Variants in TDG observed in about 807,000 individuals in gnomAD.
TDG encodes the protein thymine DNA glycosylase, also known as G/T mismatch-specific thymine DNA glycosylase.
Under a neutral mutation model 46.1 loss-of-function variants are expected in TDG, and 23 were observed. That is an observed-to-expected ratio of 0.50 (90% CI 0.36 to 0.71). The LOEUF is 0.71. Ranked by LOEUF, TDG falls within the 30% of genes least tolerant of loss-of-function variation. The pLI, the probability that TDG is intolerant of heterozygous loss-of-function variation, is 0.00. For synonymous variants in TDG, 115 were observed against 161.3 expected (o/e 0.71, Z 2.18); for missense variants, 304 against 486.7 (o/e 0.62, Z 3.53).
intron 1 of TDG, among the ~76,000 whole-genome samples, chr12:103,976,002 G>A (rs1871519863): frequency 6.6e-6 from 1 of 151,770 alleles, no homozygotes; most frequent in African/African-American, 2.4e-5. Flanking sequence ...CACTTGCATT[G>A]GGGATTTAGT....
At position 103,976,899 on chromosome 12, in the gene TDG, T is replaced by C; in HGVS notation, c.24-19T>C. 1 of 1,611,674 alleles carries C rather than the reference T, an allele frequency of 6.2e-7. No homozygotes were observed. ...TGGGTAATTTTATCATTACATCTCATGCTTCATTATTCTTTCAGCTATTCC... is the reference window on the plus strand; with the variant it reads ...TGGGTAATTTTATCATTACATCTCACGCTTCATTATTCTTTCAGCTATTCC... On this transcript the variant is annotated intron_variant, in intron 1 of 9. Coordinates refer to ENST00000392872, the MANE Select transcript of TDG (RefSeq NM_003211.6).
intron 3 of TDG, 45 bp from the exon 4 acceptor site, chr12:103,980,848 G>A (rs1250479725): frequency 6.3e-7 from 1 of 1,582,754 alleles, no homozygotes; most frequent in Non-Finnish European, 8.6e-7. Flanking sequence ...CTAAGGCTTA[G>A]GTCCTGCTTT....
intron 9 of TDG, among the ~76,000 whole-genome samples, chr12:103,986,074 G>C (rs553330683): frequency 2.0e-5 from 3 of 151,964 alleles, no homozygotes; most frequent in Admixed American, 6.6e-5. Flanking sequence ...CATCCGCCAC[G>C]ATGCCTGGCT....
At position 103,968,542 on chromosome 12, in the gene TDG, A is replaced by G. The variant is rs4135049; in HGVS notation, c.23+2482A>G. Among the ~76,000 whole-genome samples the G allele has an allele frequency of 7.0e-3, 1,073 of 152,292 alleles. 21 individuals carry two copies. Among genetic ancestry groups the G allele is most frequent in the African/African-American group, 0.025 (1,036 of 41,548 alleles). On this transcript the variant is annotated intron_variant, in intron 1 of 9. Transcript: ENST00000392872. The stretch of plus-strand genomic sequence containing the variant: ...TTACATCTCCTATGTTAGCAAAATG[A>G]TTGTCTGACTGGAAATGGCAGAATG...
intron 1 of TDG, among the ~76,000 whole-genome samples, chr12:103,969,908 A>C (rs1234894406): frequency 2.0e-5 from 3 of 152,316 alleles, no homozygotes; most frequent in East Asian, 3.9e-4. Flanking sequence ...ATCATACTAC[A>C]TGAGGAATTA....
chr12:103,984,175 T>G (rs1036939253), intron 7 of TDG, among the ~76,000 whole-genome samples: 2 of 152,258 alleles, frequency 1.3e-5, no homozygotes, highest in Non-Finnish European at 2.9e-5. Flanking sequence ...ATGAGTTTTA[T>G]TATAGCATTG....
chr12:103,982,863 A>G lies in TDG; in HGVS notation c.543A>G (p.Leu181=). The G allele has an allele frequency of 6.2e-7, 1 of 1,614,110 alleles. No homozygotes were observed. Among genetic ancestry groups the G allele is most frequent in the Non-Finnish European group, 8.5e-7 (1 of 1,180,036 alleles). Reference sequence around the variant, plus strand: ...TGAACCATATGGATGATCACACTCTACCAGGGAAGTATGGTATTGGATTTA... The same window carrying G: ...TGAACCATATGGATGATCACACTCTGCCAGGGAAGTATGGTATTGGATTTA... ...VQLNHMDDHT[L]PGKYGIGFTN... is the part of the protein sequence containing the mutation. Residue 181 remains leucine (L), a synonymous_variant, in exon 5 of 10, where the codon CTA becomes CTG. Transcript: ENST00000392872.
intron 4 of TDG, among the ~76,000 whole-genome samples, chr12:103,982,459 T>C (rs1044568566): frequency 6.6e-6 from 1 of 152,160 alleles, no homozygotes; most frequent in African/African-American, 2.4e-5. Context: ...AATAATAGTA[T>C]CTTGCAAGAT....
intron 1 of TDG, chr12:103,972,823 A>T: frequency 6.5e-6 from 3 of 464,530 alleles, no homozygotes; most frequent in Non-Finnish European, 1.1e-5. Context: ...TAGAATTTTG[A>T]TTTTCAGCTT....
chr12:103,980,036 C>T lies in TDG; in HGVS notation c.372C>T (p.Leu124=), dbSNP rs144948575. The T allele has an allele frequency of 6.2e-7, 1 of 1,614,078 alleles. No individual in the cohort carries two copies. The highest frequency in any genetic ancestry group is 1.3e-5 in the African/African-American group (1 of 74,956). ...VSEAELLTKT[L]PDILTFNLDI... Reference sequence around the variant, plus strand: ...AAGCTGAACTTCTGACCAAGACTCTCCCCGATATTTTGACCTTCAATCTGG... The same window carrying T: ...AAGCTGAACTTCTGACCAAGACTCTTCCCGATATTTTGACCTTCAATCTGG... Residue 124 remains leucine (L), a synonymous_variant, in exon 3 of 10, where the codon CTC becomes CTT. Coordinates refer to ENST00000392872, the MANE Select transcript of TDG (RefSeq NM_003211.6).
At chr12:103,967,648 G>C (rs985029506) in intron 1 of TDG, among the ~76,000 whole-genome samples, 6 of 151,688 alleles carry the variant, frequency 4.0e-5, no homozygotes, top group Non-Finnish European at 7.4e-5. Context: ...GTAGAGACAG[G>C]GTTTCACCAT....
rs114883568 is a variant in TDG at position 103,978,917 on chromosome 12, A to G, written c.167-914A>G. On this transcript the variant is annotated intron_variant, in intron 2 of 9. Transcript: ENST00000392872. ...AAAAATTATGCAACCTAAAATGTCAATAGTGTGGAGGCTGAGAAACTGCTT... is the reference window on the plus strand; with the variant it reads ...AAAAATTATGCAACCTAAAATGTCAGTAGTGTGGAGGCTGAGAAACTGCTT... 1.1e-3 allele frequency among the ~76,000 whole-genome samples: 168 copies of G among 152,184 alleles called. 1 individual carries two copies. The highest frequency in any genetic ancestry group is 3.2e-3 in the African/African-American group (133 of 41,522).
intron 4 of TDG, among the ~76,000 whole-genome samples, chr12:103,982,379 A>G (rs1871882086): frequency 6.6e-6 from 1 of 152,176 alleles, no homozygotes; most frequent in Non-Finnish European, 1.5e-5. Context: ...AATAGTCTCA[A>G]AGTTTCCTAA....
chr12:103,968,258 A>G (rs570455812), intron 1 of TDG, among the ~76,000 whole-genome samples: 10 of 152,226 alleles, frequency 6.6e-5, no homozygotes, highest in Non-Finnish European at 1.3e-4. Context: ...TGAAAAAGAC[A>G]TTTACCGAAG....
At chr12:103,972,430 T>G (rs1871329406) in intron 1 of TDG, among the ~76,000 whole-genome samples, 1 of 152,222 alleles carries the variant, frequency 6.6e-6, no homozygotes, top group Admixed American at 6.5e-5. Context: ...TATCCAGAAC[T>G]GTTTAGTTAA....
At chr12:103,981,015 A>T in intron 4 of TDG, 53 bp downstream of exon 4, 2 of 1,522,690 alleles carry the variant, frequency 1.3e-6, no homozygotes, top group Admixed American at 3.8e-5. Context: ...ATCTTTGTTA[A>T]CAGGTTTTTT....
At position 103,983,019 on chromosome 12, in the gene TDG, G is replaced by A; in HGVS notation, c.614+85G>A. The A allele has an allele frequency of 2.5e-6, 4 of 1,584,556 alleles. No homozygotes were observed. The South Asian group carries it at 4.7e-5, about 19-fold the overall frequency. On this transcript the variant is annotated intron_variant, in intron 5 of 9. Coordinates refer to ENST00000392872, the MANE Select transcript of TDG (RefSeq NM_003211.6). ...ATTCTAGGAACATCATATGTATCTA[G>A]TTCAAGCTGAGCTCAACAAATGTAC...
chr12:103,966,725 A>G (rs1309658115), intron 1 of TDG, among the ~76,000 whole-genome samples: 2 of 152,196 alleles, frequency 1.3e-5, no homozygotes, highest in Admixed American at 1.3e-4. Context: ...GGAAGACTAA[A>G]TTTTTAAAAA....
At chr12:103,976,539 A>G (rs571275842) in intron 1 of TDG, among the ~76,000 whole-genome samples, 2 of 152,310 alleles carry the variant, frequency 1.3e-5, no homozygotes, top group Non-Finnish European at 2.9e-5. Context: ...GAAGGAAAGT[A>G]GGGGCACAAA....
Sources: allele counts gnomAD v4.1 joint callset (sites outside exome capture counted in the v4.1 genomes callset), GRCh38; gene constraint gnomAD v4.1.1; transcripts MANE v1.5; gene names NCBI Gene and HGNC (gene_info 2026-07-23, HGNC 2026-07-21).